The following LRRC4C variants were observed in gnomAD, a reference collection of about 807,000 sequenced individuals.
LRRC4C encodes the protein leucine-rich repeat-containing protein 4C.
LRRC4C carries 5 observed loss-of-function variants against 33.6 expected under a neutral mutation model. The ratio of observed to expected loss-of-function variants is 0.15; its 90% CI spans 0.08 to 0.31. The LOEUF (loss-of-function observed/expected upper bound fraction) is 0.31. Ranked by LOEUF, LRRC4C falls within the 10% of genes least tolerant of loss-of-function variation. The probability of loss-of-function intolerance (pLI) is 1.00; values close to 1 mark genes in which losing one functional copy is unlikely to be tolerated. For synonymous variants in LRRC4C, 329 were observed against 302.0 expected (o/e 1.09, Z -0.93); for missense variants, 560 against 796.7 (o/e 0.70, Z 3.58).
chr11:41,430,800 A>G (rs1469534739), intron 1 of LRRC4C, among the ~76,000 whole-genome samples: 2 of 152,052 alleles, frequency 1.3e-5, no homozygotes, highest in African/African-American at 4.8e-5. Flanking sequence ...GTGTATATAT[A>G]TATATATCTT....
At chr11:41,378,492 G>C (rs1953023637) in intron 1 of LRRC4C, among the ~76,000 whole-genome samples, 2 of 152,076 alleles carry the variant, frequency 1.3e-5, no homozygotes, top group African/African-American at 4.8e-5. Flanking sequence ...GCGGAGAGCA[G>C]ACTTTACAGT....
At chr11:41,221,299 A>G (rs1466624144) in intron 1 of LRRC4C, among the ~76,000 whole-genome samples, 1 of 152,168 alleles carries the variant, frequency 6.6e-6, no homozygotes, top group Non-Finnish European at 1.5e-5. Flanking sequence ...AAAAAAAAAA[A>G]AAACCTCAAT....
chr11:40,832,488 G>C (rs1273598120), intron 2 of LRRC4C, among the ~76,000 whole-genome samples: 1 of 152,000 alleles, frequency 6.6e-6, no homozygotes, highest in Non-Finnish European at 1.5e-5. Flanking sequence ...ATAGAAACAC[G>C]ATACTTTATT....
intron 3 of LRRC4C, among the ~76,000 whole-genome samples, chr11:40,479,800 C>T (rs973445978): frequency 6.6e-6 from 1 of 152,008 alleles, no homozygotes; most frequent in Non-Finnish European, 1.5e-5. Flanking sequence ...GAGGTAACCA[C>T]ATAGTTTTCT....
At chr11:40,546,452 T>C (rs937165497) in intron 3 of LRRC4C, among the ~76,000 whole-genome samples, 2 of 152,094 alleles carry the variant, frequency 1.3e-5, no homozygotes, top group African/African-American at 4.8e-5. Context: ...CACATTGGGA[T>C]CAATTTTACA....
chr11:40,649,052 G>C (rs1942632672), intron 2 of LRRC4C, among the ~76,000 whole-genome samples: 1 of 152,180 alleles, frequency 6.6e-6, no homozygotes, highest in East Asian at 1.9e-4. Flanking sequence ...ACATGTTTCT[G>C]AGGAAACAGG....
intron 2 of LRRC4C, among the ~76,000 whole-genome samples, chr11:40,901,752 C>T (rs534081807): frequency 6.6e-6 from 1 of 152,024 alleles, no homozygotes; most frequent in African/African-American, 2.4e-5. Flanking sequence ...TACACAATAC[C>T]AAACAATACT....
Position 40,114,246 on chromosome 11 carries a change from T to G in LRRC4C, c.*124A>C, listed in dbSNP as rs781450070. 9.2e-7 allele frequency: 1 copy of G among 1,091,284 alleles called. No individual in the cohort carries two copies. The highest frequency in any genetic ancestry group is 1.3e-6 in the Non-Finnish European group (1 of 795,624). 67.6% of individuals were successfully genotyped at this position (1,091,284 alleles called of 1,614,324 possible). A position where few individuals can be genotyped will look rare whatever the true frequency, so the allele number is the denominator to read the frequency against. On this transcript the variant is annotated 3_prime_UTR_variant, in exon 7 of 7. Transcript: ENST00000528697. ...TAGAATTTTTAATAAATAAATTTCT[T>G]TTCTTTTTTGTTTTTTTGTAAAGAC...
chr11:40,404,957 A>G (rs569783344), intron 3 of LRRC4C, among the ~76,000 whole-genome samples: 5 of 152,072 alleles, frequency 3.3e-5, no homozygotes, highest in Non-Finnish European at 7.4e-5. Flanking sequence ...AGGCAAGAGT[A>G]GCTATAAGCC....
At chr11:41,445,446 G>A (rs1016030186) in intron 1 of LRRC4C, among the ~76,000 whole-genome samples, 4 of 152,094 alleles carry the variant, frequency 2.6e-5, no homozygotes, top group Admixed American at 6.5e-5. Context: ...TTTAAGGGAT[G>A]GAGTAGGCTA....
intron 1 of LRRC4C, among the ~76,000 whole-genome samples, chr11:41,347,274 C>T (rs903887079): frequency 6.6e-6 from 1 of 152,104 alleles, no homozygotes; most frequent in African/African-American, 2.4e-5. Flanking sequence ...ATTTTCTCTG[C>T]CTTAATACCC....
rs1187136252 is a variant in LRRC4C at position 41,107,954 on chromosome 11, AGAGAAGGGAGAGGGGAGAGGG to A, written c.-495-174252_-495-174232del. Among the ~76,000 whole-genome samples, 89 of 110,682 alleles carry A rather than the reference AGAGAAGGGAGAGGGGAGAGGG, an allele frequency of 8.0e-4. No homozygotes were observed. In the East Asian group the frequency reaches 0.019, roughly 24 times the overall value. 72.6% of individuals were successfully genotyped at this position (110,682 alleles called of 152,430 possible). A position where few individuals can be genotyped will look rare whatever the true frequency, so the allele number is the denominator to read the frequency against. ...TCCATCTCAAAGAAAAGAAAAGAGA[AGAGAAGGGAGAGGGGAGAGGG>A]GAGAGGGGAGAGGGGAGAGGGGAGA... On this transcript the variant is annotated intron_variant, in intron 1 of 6. Coordinates refer to ENST00000528697, the MANE Select transcript of LRRC4C (RefSeq NM_001258419.2).
intron 3 of LRRC4C, among the ~76,000 whole-genome samples, chr11:40,628,260 G>A (rs180790691): frequency 0.02 from 3,111 of 152,164 alleles, 49 homozygotes; most frequent in South Asian, 0.037. Flanking sequence ...GGCGGATCAC[G>A]AGGTCAGGAG....
chr11:40,439,741 C>A (rs992318992), intron 3 of LRRC4C, among the ~76,000 whole-genome samples: 5 of 152,034 alleles, frequency 3.3e-5, no homozygotes, highest in African/African-American at 1.2e-4. Flanking sequence ...CATGAGCCAC[C>A]GGGCCCGGCC....
intron 1 of LRRC4C, among the ~76,000 whole-genome samples, chr11:41,366,942 C>T (rs149301887): frequency 1.1e-3 from 165 of 152,142 alleles, no homozygotes; most frequent in South Asian, 8.1e-3. Flanking sequence ...GCATTATGCC[C>T]ATTTTAGGGA....
intron 5 of LRRC4C, among the ~76,000 whole-genome samples, chr11:40,226,678 T>C (rs1864823303): frequency 6.6e-6 from 1 of 152,158 alleles, no homozygotes; most frequent in African/African-American, 2.4e-5. Flanking sequence ...CTGAGTTCTG[T>C]TTTGGCATCT....
At chr11:40,964,944 A>G (rs1057509787) in intron 1 of LRRC4C, among the ~76,000 whole-genome samples, 6 of 152,134 alleles carry the variant, frequency 3.9e-5, no homozygotes, top group African/African-American at 1.4e-4. Context: ...AGGAATCACC[A>G]CACTGACTTC....
intron 2 of LRRC4C, among the ~76,000 whole-genome samples, chr11:40,831,215 G>T (rs1952398435): frequency 6.6e-6 from 1 of 152,092 alleles, no homozygotes; most frequent in Admixed American, 6.6e-5. Context: ...CTAAGTATAA[G>T]ATAAATTTCT....
At position 41,010,698 on chromosome 11, in the gene LRRC4C, A is replaced by G. The variant is rs16935268; in HGVS notation, c.-495-76975T>C. Among the ~76,000 whole-genome samples the G allele has an allele frequency of 8.5e-3, 1,289 of 152,268 alleles. 24 individuals are homozygous for G. The highest frequency in any genetic ancestry group is 0.028 in the African/African-American group (1,184 of 41,546). On this transcript the variant is annotated intron_variant, in intron 1 of 6. Transcript: ENST00000528697. ...AATCATATTTTTGAGAGAGATTAGA[A>G]AGTAAATAAATGGTGGCAACTTCCT...
Sources: allele counts gnomAD v4.1 joint callset (sites outside exome capture counted in the v4.1 genomes callset), GRCh38; gene constraint gnomAD v4.1.1; transcripts MANE v1.5; gene names NCBI Gene and HGNC (gene_info 2026-07-23, HGNC 2026-07-21).